Variants in CSMD3 observed in about 807,000 individuals in gnomAD.
CSMD3 encodes the protein CUB and Sushi multiple domains 3, also known as CUB and sushi domain-containing protein 3.
CSMD3 carries 177 observed loss-of-function variants against 435.2 expected under a neutral mutation model. That is an observed-to-expected ratio of 0.41 (90% CI 0.36 to 0.46). The LOEUF is 0.46. CSMD3 is among the 20% of genes least tolerant of loss of function. CSMD3 has a pLI of 0.34. For missense variants in CSMD3, 4,265 were observed against 4,504.6 expected (o/e 0.95, Z 1.52); for synonymous variants, 1,656 against 1,520.5 (o/e 1.09, Z -2.07).
intron 1 of CSMD3, among the ~76,000 whole-genome samples, chr8:113,435,154 C>A (rs1248666927): frequency 6.6e-6 from 1 of 152,172 alleles, no homozygotes; most frequent in Non-Finnish European, 1.5e-5. Context: ...GCAACCTGAG[C>A]CGTGCTTTGT....
At chr8:112,938,679 C>G (rs1003613577) in intron 9 of CSMD3, among the ~76,000 whole-genome samples, 1 of 151,962 alleles carries the variant, frequency 6.6e-6, no homozygotes, top group African/African-American at 2.4e-5. Context: ...ACACACCACA[C>G]GACTGAAGTG....
intron 3 of CSMD3, among the ~76,000 whole-genome samples, chr8:113,269,919 T>C (rs929756118): frequency 1.3e-4 from 19 of 151,788 alleles, no homozygotes; most frequent in African/African-American, 3.6e-4. Context: ...ACTTCATGTC[T>C]AAAACACCAA....
At chr8:113,245,978 C>T (rs1202756508) in intron 3 of CSMD3, among the ~76,000 whole-genome samples, 1 of 151,946 alleles carries the variant, frequency 6.6e-6, no homozygotes, top group Non-Finnish European at 1.5e-5. Flanking sequence ...CTCTCTTTAT[C>T]TTATTGAAGA....
At chr8:112,523,135 T>C (rs1217305115) in intron 27 of CSMD3, among the ~76,000 whole-genome samples, 1 of 151,884 alleles carries the variant, frequency 6.6e-6, no homozygotes, top group Non-Finnish European at 1.5e-5. Flanking sequence ...TTCAAGACCT[T>C]TCAAAGAAGA....
chr8:113,205,124 C>T (rs958587007), intron 3 of CSMD3, among the ~76,000 whole-genome samples: 7 of 151,968 alleles, frequency 4.6e-5, no homozygotes, highest in African/African-American at 1.4e-4. Flanking sequence ...GCTAGGATTA[C>T]ATACACCCGT....
intron 1 of CSMD3, chr8:113,376,678 G>A: frequency 6.2e-7 from 1 of 1,600,708 alleles, no homozygotes; most frequent in Non-Finnish European, 8.6e-7. Flanking sequence ...CATGGGAGTT[G>A]ACACCCGCCA....
chr8:112,392,300 C>A (rs1181340139), intron 35 of CSMD3, among the ~76,000 whole-genome samples: 1 of 130,228 alleles, frequency 7.7e-6, no homozygotes, highest in Non-Finnish European at 1.6e-5. Flanking sequence ...AACGCAAAAA[C>A]CAGGGCAATT....
At chr8:113,156,740 A>ATAAATAAATAAATAAATAAT (rs142967215) in intron 4 of CSMD3, among the ~76,000 whole-genome samples, 68 of 134,566 alleles carry the variant, frequency 5.1e-4, no homozygotes, top group East Asian at 2.2e-3. Flanking sequence ...ACCTAAATAA[A>ATAAATAAATAAATAAATAAT]TAAATAAATA....
At chr8:113,112,392 T>A (rs2090672005) in intron 4 of CSMD3, among the ~76,000 whole-genome samples, 2 of 278 alleles carry the variant, frequency 7.2e-3, no homozygotes, top group Non-Finnish European at 0.01. Context: ...AAAACATATA[T>A]ATATATATAT....
chr8:112,500,726 T>C (rs761271346), intron 30 of CSMD3, among the ~76,000 whole-genome samples: 1 of 152,124 alleles, frequency 6.6e-6, no homozygotes, highest in Non-Finnish European at 1.5e-5. Flanking sequence ...GCTGCAGACA[T>C]AGCCAAGCAA....
chr8:112,332,475 G>A (rs1365388013), intron 45 of CSMD3, among the ~76,000 whole-genome samples: 1 of 152,050 alleles, frequency 6.6e-6, no homozygotes, highest in Non-Finnish European at 1.5e-5. Context: ...AACAATCAGT[G>A]AACTGGATTA....
At chr8:112,504,553 G>C (rs892181684) in intron 29 of CSMD3, among the ~76,000 whole-genome samples, 2 of 151,980 alleles carry the variant, frequency 1.3e-5, no homozygotes, top group East Asian at 1.9e-4. Context: ...CATTGTATTA[G>C]GCATTCTTTT....
At chr8:112,687,958 A>C (rs1317078166) in intron 14 of CSMD3, among the ~76,000 whole-genome samples, 3 of 152,140 alleles carry the variant, frequency 2.0e-5, no homozygotes, top group Non-Finnish European at 4.4e-5. Context: ...ATTTGATCCT[A>C]TAACTCCTGA....
intron 37 of CSMD3, among the ~76,000 whole-genome samples, chr8:112,382,263 A>C (rs1022349751): frequency 6.7e-6 from 1 of 150,142 alleles, no homozygotes; most frequent in Non-Finnish European, 1.5e-5. Flanking sequence ...AAGTCTGGGC[A>C]ATAGAGCCAG....
chr8:113,380,669 A>G (rs1312658747), intron 1 of CSMD3, among the ~76,000 whole-genome samples: 1 of 152,164 alleles, frequency 6.6e-6, no homozygotes, highest in Non-Finnish European at 1.5e-5. Flanking sequence ...TAACACAAAA[A>G]TGACTTTAAA....
chr8:112,519,152 G>A (rs967336968), intron 27 of CSMD3, among the ~76,000 whole-genome samples: 1 of 151,992 alleles, frequency 6.6e-6, no homozygotes, highest in Non-Finnish European at 1.5e-5. Flanking sequence ...TATCACCTAT[G>A]GATTGGTTTT....
At chr8:113,166,006 C>T (rs2092142042) in intron 4 of CSMD3, among the ~76,000 whole-genome samples, 1 of 152,054 alleles carries the variant, frequency 6.6e-6, no homozygotes, top group South Asian at 2.1e-4. Context: ...AAGGCCAACA[C>T]ATATTGTTTA....
chr8:113,075,240 C>A (rs1564284521), intron 5 of CSMD3, among the ~76,000 whole-genome samples: 1 of 151,742 alleles, frequency 6.6e-6, no homozygotes, highest in Non-Finnish European at 1.5e-5. Flanking sequence ...TTGCCATTGA[C>A]ATCGTGAATC....
intron 7 of CSMD3, among the ~76,000 whole-genome samples, chr8:112,966,664 A>C (rs2084429615): frequency 6.6e-6 from 1 of 151,746 alleles, no homozygotes; most frequent in Admixed American, 6.6e-5. Context: ...TAGAGCTAAA[A>C]TTTGACTTGG....
Sources: gnomAD v4.1 joint callset for allele counts (sites outside exome capture counted in the v4.1 genomes callset) on GRCh38, gnomAD v4.1.1 for gene constraint, MANE v1.5 for transcripts, NCBI Gene and HGNC (gene_info 2026-07-23, HGNC 2026-07-21) for gene names.